Variants in RHBDD1 observed in about 807,000 individuals in gnomAD.
RHBDD1 encodes the protein rhomboid domain containing 1.
RHBDD1 carries 38 observed loss-of-function variants against 36.3 expected under a neutral mutation model. The ratio of observed to expected loss-of-function variants is 1.05; its 90% CI spans 0.81 to 1.37. The LOEUF is 1.37. Among genes scored for constraint, RHBDD1 ranks in the 40% most tolerant of loss-of-function variants. RHBDD1 has a pLI of 0.00. For synonymous variants in RHBDD1, 151 were observed against 136.5 expected (o/e 1.11, Z -0.74); for missense variants, 393 against 377.6 (o/e 1.04, Z -0.34).
At chr2:226,910,819 G>A (rs1206534099) in intron 7 of RHBDD1, among the ~76,000 whole-genome samples, 1 of 151,982 alleles carries the variant, frequency 6.6e-6, no homozygotes, top group African/African-American at 2.4e-5. Flanking sequence ...GAAAATTTTT[G>A]GTCCTACGGG....
the RHBDD1 span, among the ~76,000 whole-genome samples, chr2:226,825,733 C>T: frequency 1.3e-5 from 2 of 152,176 alleles, no homozygotes; most frequent in Non-Finnish European, 2.9e-5. Flanking sequence ...ATTTAATGTT[C>T]AGAAGCAGAA....
rs1050087594 is a variant in RHBDD1, at chr2:226,988,380, T to G, written c.857-7051T>G. The G allele has an allele frequency of 9.0e-6, 14 of 1,550,200 alleles. No individual in the cohort carries two copies. The Admixed American group carries it at 2.2e-4, about 24-fold the overall frequency. On this transcript the variant is annotated intron_variant, in intron 8 of 8. Coordinates refer to ENST00000392062, the MANE Select transcript of RHBDD1 (RefSeq NM_001167608.3). Reference sequence around the variant, plus strand: ...ATGGCAAGTCTCCTGGACCCCAAGATAAAGGTCAGAACAGACAAAGGACCC... The same window carrying G: ...ATGGCAAGTCTCCTGGACCCCAAGAGAAAGGTCAGAACAGACAAAGGACCC...
At chr2:226,819,625 C>T in the RHBDD1 span, among the ~76,000 whole-genome samples, 6 of 152,000 alleles carry the variant, frequency 3.9e-5, no homozygotes, top group Non-Finnish European at 8.8e-5. Flanking sequence ...TGCTGTGAAC[C>T]TAAAACTGCT....
At chr2:226,927,790 A>AATTGG (rs1467814237) in intron 8 of RHBDD1, among the ~76,000 whole-genome samples, 1 of 151,892 alleles carries the variant, frequency 6.6e-6, no homozygotes, top group Non-Finnish European at 1.5e-5. Flanking sequence ...GTCTACTTTT[A>AATTGG]ATTGGATTGT....
chr2:226,960,411 A>G (rs1313667231), intron 8 of RHBDD1, among the ~76,000 whole-genome samples: 1 of 152,014 alleles, frequency 6.6e-6, no homozygotes, highest in Non-Finnish European at 1.5e-5. Flanking sequence ...AGAGAATTTC[A>G]CTCTTTTAAC....
intron 5 of RHBDD1, among the ~76,000 whole-genome samples, chr2:226,869,690 G>A (rs1023438183): frequency 3.3e-5 from 5 of 152,190 alleles, no homozygotes; most frequent in African/African-American, 9.6e-5. Context: ...GGAGTATGAG[G>A]CATGTGGACT....
intron 8 of RHBDD1, among the ~76,000 whole-genome samples, chr2:226,986,234 A>G (rs1956925029): frequency 6.6e-6 from 1 of 152,238 alleles, no homozygotes; most frequent in South Asian, 2.1e-4. Context: ...GACTAAGGAG[A>G]CTTGGTAACA....
At chr2:226,858,629 G>GA (rs1237242787) in intron 3 of RHBDD1, among the ~76,000 whole-genome samples, 1 of 152,126 alleles carries the variant, frequency 6.6e-6, no homozygotes, top group Non-Finnish European at 1.5e-5. Context: ...AAGTAGAATT[G>GA]AAAATCACTG....
intron 8 of RHBDD1, among the ~76,000 whole-genome samples, chr2:226,951,272 T>C (rs1449619316): frequency 6.6e-6 from 1 of 152,152 alleles, no homozygotes; most frequent in Admixed American, 6.5e-5. Context: ...TACTGGGGTT[T>C]AGGGCTGCCA....
chr2:226,979,670 G>A (rs1348357224), intron 8 of RHBDD1, among the ~76,000 whole-genome samples: 1 of 152,204 alleles, frequency 6.6e-6, no homozygotes, highest in Non-Finnish European at 1.5e-5. Context: ...AGCCATACTG[G>A]CAATCCACTG....
intron 8 of RHBDD1, among the ~76,000 whole-genome samples, chr2:226,918,889 A>G (rs1244828582): frequency 6.6e-6 from 1 of 152,030 alleles, no homozygotes; most frequent in Non-Finnish European, 1.5e-5. Flanking sequence ...GGAACTTCCA[A>G]ACTGTTCTCC....
chr2:226,948,811 A>G (rs1329950857), intron 8 of RHBDD1, among the ~76,000 whole-genome samples: 1 of 152,138 alleles, frequency 6.6e-6, no homozygotes, highest in Non-Finnish European at 1.5e-5. Context: ...GGCAAGAGAA[A>G]GAAATAAAGG....
chr2:226,904,683 T>C (rs1947899539), intron 5 of RHBDD1, among the ~76,000 whole-genome samples: 1 of 152,238 alleles, frequency 6.6e-6, no homozygotes, highest in African/African-American at 2.4e-5. Context: ...GTGTTCCTCA[T>C]TGCATGTTCT....
the RHBDD1 span, among the ~76,000 whole-genome samples, chr2:226,802,223 G>A: frequency 6.6e-6 from 1 of 152,198 alleles, no homozygotes; most frequent in African/African-American, 2.4e-5. Flanking sequence ...AAGCATTTCT[G>A]CTTTAAAAAA....
chr2:226,982,299 C>T (rs1335860155), intron 8 of RHBDD1, among the ~76,000 whole-genome samples: 1 of 152,222 alleles, frequency 6.6e-6, no homozygotes, highest in East Asian at 1.9e-4. Flanking sequence ...AGGTGGCTGT[C>T]AGCTTTAATA....
chr2:226,903,395 A>T (rs2125608678), intron 5 of RHBDD1, among the ~76,000 whole-genome samples: 1 of 152,284 alleles, frequency 6.6e-6, no homozygotes, highest in East Asian at 1.9e-4. Context: ...CCGTGTGTCC[A>T]TGCTGTCTCT....
At chr2:226,833,101 T>C (rs1574703926), upstream of RHBDD1, among the ~76,000 whole-genome samples, 1 of 152,234 alleles carries the variant, frequency 6.6e-6, no homozygotes. Flanking sequence ...GTATTGTTGG[T>C]ATTATTATCA....
intron 1 of RHBDD1, chr2:226,837,668 C>T: frequency 6.6e-6 from 1 of 152,340 alleles, no homozygotes; most frequent in Non-Finnish European, 1.5e-5. Context: ...TCCCAGGTAG[C>T]TGGGATTACA....
In RHBDD1 at chr2:226,914,344, G is replaced by A. The variant is rs1309184653; in HGVS notation, c.849G>A (p.Trp283Ter). 2.5e-6 allele frequency: 4 copies of A among 1,612,876 alleles called. No individual in the cohort carries two copies. In the Admixed American group the frequency reaches 5.0e-5, roughly 20 times the overall value. ...QLERALQASL[W>*]DRGNTRNSPP... ...AGAGAGCATTACAAGCCAGCCTCTG[G>A]GACCGAGGTAGGAGTCTTGCGCCCT... Residue 283 changes from tryptophan (W) to a stop codon, truncating the protein, a stop_gained, in exon 8 of 9, where the codon TGG (tryptophan) becomes TGA (stop). Coordinates refer to ENST00000392062, the MANE Select transcript of RHBDD1 (RefSeq NM_001167608.3). LOFTEE classifies it high-confidence loss of function.
Sources: gnomAD v4.1 joint callset for allele counts (sites outside exome capture counted in the v4.1 genomes callset) on GRCh38, gnomAD v4.1.1 for gene constraint, MANE v1.5 for transcripts, NCBI Gene and HGNC (gene_info 2026-07-23, HGNC 2026-07-21) for gene names.